Variants in SESN2 observed in about 807,000 individuals in gnomAD.
SESN2 encodes sestrin-2.
A neutral mutation model predicts 56.0 loss-of-function variants in SESN2; 42 were observed. That is an observed-to-expected ratio of 0.75 (90% confidence interval 0.59 to 0.97). SESN2 has a LOEUF of 0.97. Among genes scored for constraint, SESN2 ranks in the 50% least tolerant of loss-of-function variants. SESN2 has a pLI of 0.00. For synonymous variants in SESN2, 264 were observed against 267.1 expected (o/e 0.99, Z 0.11); for missense variants, 507 against 649.4 (o/e 0.78, Z 2.38).
At chr1:28,279,803 A>G (rs1399815070) in intron 9 of SESN2, among the ~76,000 whole-genome samples, 2 of 151,082 alleles carry the variant, frequency 1.3e-5, no homozygotes, top group Non-Finnish European at 1.5e-5. Context: ...CGGACTTCCA[A>G]AGTGCTGAGA....
At position 28,259,689 on chromosome 1, in the gene SESN2, C is replaced by G. The variant is rs769709297; in HGVS notation, c.-159C>G. ...GGGAAGAGTCCAGCACCAAAGCGGC[C>G]GTTCTCGGATTCCGGAGCGTTCTGG... On this transcript the variant is annotated 5_prime_UTR_variant, in exon 1 of 10. Coordinates refer to ENST00000253063, the MANE Select transcript of SESN2 (RefSeq NM_031459.5). 110 of 526,828 alleles carry G rather than the reference C, an allele frequency of 2.1e-4. No homozygotes were observed. The highest frequency in any genetic ancestry group is 4.9e-4 in the Middle Eastern group (1 of 2,036). The allele number at this position is 526,828 out of a possible 1,614,324, so 32.6% of individuals were successfully genotyped here. A position where few individuals can be genotyped will look rare whatever the true frequency, so the allele number is the denominator to read the frequency against.
In SESN2 at chr1:28,272,306, C is replaced by A. The variant is rs755013852; in HGVS notation, c.377C>A (p.Ser126Tyr). The change falls in exon 4 of 10, where the codon TCT (serine) becomes TAT (tyrosine). Residue 126 changes from serine to tyrosine, a missense_variant. Ser to Tyr is a moderately radical substitution (Grantham distance 144). Transcript: ENST00000253063. ...CAGGCTGCCGCCCGCCATCAGTGTT[C>A]TTACCTGGTAGGCTCCCACATGGCC... ...AIMAAARHQC[S>Y]YLVGSHMAEF... 5 of 1,613,952 alleles carry A rather than the reference C, an allele frequency of 3.1e-6. No homozygotes were observed. In the African/African-American group the frequency reaches 5.3e-5, roughly 17 times the overall value.
intron 1 of SESN2, among the ~76,000 whole-genome samples, chr1:28,260,785 C>CT (rs1399187299): frequency 6.6e-6 from 1 of 151,432 alleles, no homozygotes; most frequent in Non-Finnish European, 1.5e-5. Context: ...CCTAACCAGA[C>CT]TGACAGTTCG....
Position 28,259,956 on chromosome 1 carries a change from A to ACGCC in SESN2, c.90+21_90+24dup. The stretch of plus-strand genomic sequence containing the variant: ...CGGAGAGGTAAGCGGCGGCCGCGCG[A>ACGCC]CGCCCCTCTTCCCTGGAACCCCGAA... On this transcript the variant is annotated intron_variant, in intron 1 of 9. Transcript: ENST00000253063. 1 of 1,491,000 alleles carries ACGCC rather than the reference A, an allele frequency of 6.7e-7. No individual in the cohort carries two copies. The highest frequency in any genetic ancestry group is 8.9e-7 in the Non-Finnish European group (1 of 1,124,402). 92.4% of individuals were successfully genotyped at this position (1,491,000 alleles called of 1,614,324 possible). A position where few individuals can be genotyped will look rare whatever the true frequency, so the allele number is the denominator to read the frequency against.
rs535633780 is a variant in SESN2 at position 28,263,184 on chromosome 1, G to A, written c.90+3247G>A. On this transcript the variant is annotated intron_variant, in intron 1 of 9. Transcript: ENST00000253063. ...TAGCTGACCCTTGTGAACTATTCCA[G>A]CCGTGGAGTCAGATCTGAATTGTGC... Among the ~76,000 whole-genome samples the A allele has an allele frequency of 3.9e-4, 59 of 152,338 alleles. 1 individual carries two copies. Among genetic ancestry groups the A allele is most frequent in the Middle Eastern group, 3.4e-3 (1 of 294 alleles).
At chr1:28,271,217 G>A (rs1572095042) in intron 2 of SESN2, among the ~76,000 whole-genome samples, 2 of 152,284 alleles carry the variant, frequency 1.3e-5, no homozygotes, top group South Asian at 2.1e-4. Flanking sequence ...AAAACTGTAA[G>A]CTCAGGGATG....
At chr1:28,273,616 C>G in intron 6 of SESN2, 108 bp downstream of exon 6, 2 of 1,105,314 alleles carry the variant, frequency 1.8e-6, no homozygotes, top group Non-Finnish European at 1.3e-6. Flanking sequence ...CTCAACCTCC[C>G]GTCCAAGAGG....
chr1:28,271,601 G>C, intron 2 of SESN2, 73 bp from the exon 3 acceptor site: 2 of 1,220,602 alleles, frequency 1.6e-6, no homozygotes, highest in East Asian at 2.3e-5. Flanking sequence ...AAAACCCACT[G>C]GAAGAATACA....
rs1321063824 is a variant in SESN2, at chr1:28,271,792, G to A, written c.275G>A (p.Ser92Asn). ...VMGLHPDYFT[S>N]FWRLHYLLLH... ...GGCCTGCACCCTGACTACTTTACCA[G>A]CTTCTGGCGCCTGCACTACCTGCTG... The change falls in exon 3 of 10, where the codon AGC becomes AAC. Residue 92 changes from serine (S) to asparagine (N), a missense_variant. By Grantham distance (46) the Ser-to-Asn change is conservative. Transcript: ENST00000253063. 1.9e-6 allele frequency: 3 copies of A among 1,614,096 alleles called. No individual in the cohort carries two copies. In the African/African-American group the frequency reaches 4.0e-5, roughly 22 times the overall value.
At chr1:28,275,642 C>CATTTGTAA (rs1339251752) in intron 8 of SESN2, among the ~76,000 whole-genome samples, 5 of 152,136 alleles carry the variant, frequency 3.3e-5, no homozygotes, top group African/African-American at 1.2e-4. Flanking sequence ...ATCCCAGCTA[C>CATTTGTAA]TCAAGAGGCT....
chr1:28,279,417 A>G (rs1447579022), intron 9 of SESN2, among the ~76,000 whole-genome samples, 176 bp downstream of exon 9: 1 of 152,132 alleles, frequency 6.6e-6, no homozygotes, highest in Non-Finnish European at 1.5e-5. Flanking sequence ...GAGTCTGTTT[A>G]CTCACCTGTA....
chr1:28,278,373 C>T (rs2149040793), intron 8 of SESN2, among the ~76,000 whole-genome samples: 1 of 152,244 alleles, frequency 6.6e-6, no homozygotes, highest in African/African-American at 2.4e-5. Context: ...TCGAGACCAG[C>T]CTGACCAACA....
Position 28,273,513 on chromosome 1 carries a change from A to G in SESN2, c.901+5A>G, listed in dbSNP as rs193223062. The G allele has an allele frequency of 2.7e-4, 435 of 1,584,960 alleles. 3 individuals carry two copies. In the African/African-American group the frequency reaches 5.0e-3, roughly 18 times the overall value. ...GCCTGCTGGTGACCCCCTCAGGTAC[A>G]GGGTCACAGGCATCCAGGCTCCCGT... is the stretch of plus-strand genomic sequence containing the variant. On this transcript the variant is annotated splice_donor_5th_base_variant and intron_variant, in intron 6 of 9. Transcript: ENST00000253063.
chr1:28,274,964 C>A lies in SESN2; in HGVS notation c.1160C>A (p.Ser387Tyr). Residue 387 changes from serine (S) to tyrosine (Y), a missense_variant, in exon 8 of 10, where the codon TCC becomes TAC. Physicochemically the swap from Ser to Tyr is moderately radical, Grantham distance 144. Coordinates refer to ENST00000253063, the MANE Select transcript of SESN2 (RefSeq NM_031459.5). ...TIAMHSGVDTSVLRRAIWNYI... is the reference protein window; with the variant it reads ...TIAMHSGVDTYVLRRAIWNYI... ...GCCATGCACAGTGGTGTGGACACCT[C>A]CGTGCTCCGCAGGGCCATCTGGAAC... The A allele has an allele frequency of 6.2e-7, 1 of 1,614,188 alleles. No homozygotes were observed. The highest frequency in any genetic ancestry group is 8.5e-7 in the Non-Finnish European group (1 of 1,179,986).
intron 1 of SESN2, among the ~76,000 whole-genome samples, chr1:28,262,768 A>G (rs1647423380): frequency 6.6e-6 from 1 of 152,010 alleles, no homozygotes; most frequent in African/African-American, 2.4e-5. Context: ...CTCTACTAAA[A>G]ATACAAAAAA....
intron 8 of SESN2, among the ~76,000 whole-genome samples, chr1:28,275,481 G>A (rs1449825979): frequency 3.9e-5 from 6 of 152,198 alleles, no homozygotes; most frequent in East Asian, 3.8e-4. Flanking sequence ...TAGGCTGGGC[G>A]CAGTGGCTCA....
At chr1:28,269,860 C>G (rs922084787) in intron 2 of SESN2, among the ~76,000 whole-genome samples, 2 of 152,154 alleles carry the variant, frequency 1.3e-5, no homozygotes, top group Non-Finnish European at 2.9e-5. Context: ...ATTTACTTAA[C>G]ATATCTATTA....
chr1:28,264,138 A>G (rs1349556891), intron 1 of SESN2, among the ~76,000 whole-genome samples: 2 of 150,784 alleles, frequency 1.3e-5, no homozygotes, highest in Admixed American at 1.3e-4. Context: ...GGCCAAGGTG[A>G]GCAGGTTATG....
At position 28,259,883 on chromosome 1, in the gene SESN2, C is replaced by T. The variant is rs1647307044; in HGVS notation, c.36C>T (p.Leu12=). ...CGGACTCCGAGTGCCGCGCAGAGCTCAAGGACTACCTGCGGTTCGCCCCGG... is the reference window on the plus strand; with the variant it reads ...CGGACTCCGAGTGCCGCGCAGAGCTTAAGGACTACCTGCGGTTCGCCCCGG... ...IVADSECRAE[L]KDYLRFAPGG... Residue 12 remains leucine, a synonymous_variant, in exon 1 of 10, where the codon CTC becomes CTT. Coordinates refer to ENST00000253063, the MANE Select transcript of SESN2 (RefSeq NM_031459.5). 1.4e-6 allele frequency: 2 copies of T among 1,446,740 alleles called. No homozygotes were observed. Among genetic ancestry groups the T allele is most frequent in the African/African-American group, 1.5e-5 (1 of 66,932 alleles). 89.6% of individuals were successfully genotyped at this position (1,446,740 alleles called of 1,614,324 possible).
Sources: gnomAD v4.1 joint callset for allele counts (sites outside exome capture counted in the v4.1 genomes callset) on GRCh38, gnomAD v4.1.1 for gene constraint, MANE v1.5 for transcripts, NCBI Gene and HGNC (gene_info 2026-07-23, HGNC 2026-07-21) for gene names.